Variants in SGCB observed in about 807,000 individuals in gnomAD.
The protein encoded by SGCB is sarcoglycan beta.
Under a neutral mutation model 27.3 loss-of-function variants are expected in SGCB, and 25 were observed. The ratio of observed to expected loss-of-function variants is 0.92; its 90% CI spans 0.67 to 1.28. The LOEUF is 1.28. Among genes scored for constraint, SGCB ranks in the 50% most tolerant of loss-of-function variants. SGCB has a pLI of 0.00. For missense variants in SGCB, 436 were observed against 402.1 expected (o/e 1.08, Z -0.72); for synonymous variants, 147 against 133.5 (o/e 1.10, Z -0.70).
At chr4:52,029,566 A>C in intron 3 of SGCB, 112 bp downstream of exon 3, 1 of 677,394 alleles carries the variant, frequency 1.5e-6, no homozygotes, top group South Asian at 1.7e-5. Flanking sequence ...AAATATACTA[A>C]TTTTTCTAAG....
Position 52,023,053 on chromosome 4 carries a change from AAAC to A in SGCB, c.*901_*903del, listed in dbSNP as rs1736998205. 6.6e-6 allele frequency: 1 copy of A among 152,206 alleles called. No individual in the cohort carries two copies. Among genetic ancestry groups the A allele is most frequent in the African/African-American group, 2.4e-5 (1 of 41,454 alleles). 9.4% of individuals were successfully genotyped at this position (152,206 alleles called of 1,614,324 possible). A position where few individuals can be genotyped will look rare whatever the true frequency, so the allele number is the denominator to read the frequency against. Reference sequence around the variant, plus strand: ...ATTAAAAAGTCAGTGCAGAGAGTGAAAACAACATGGCATTTGGAATCAAGTACA... The same window carrying A: ...ATTAAAAAGTCAGTGCAGAGAGTGAAAACATGGCATTTGGAATCAAGTACA... On this transcript the variant is annotated 3_prime_UTR_variant, in exon 6 of 6. Transcript: ENST00000381431.
rs753551637 is a variant in SGCB, at chr4:52,029,663, A to C, written c.429+15T>G. The C allele has an allele frequency of 1.3e-6, 2 of 1,582,912 alleles. No individual in the cohort carries two copies. Among genetic ancestry groups the C allele is most frequent in the South Asian group, 2.2e-5 (2 of 90,460 alleles). ...TCTCCTGTTTGCATTTCTTTCAGTTAATGTGGCAACTTACAGGCTGGTTGT... is the reference window on the plus strand; with the variant it reads ...TCTCCTGTTTGCATTTCTTTCAGTTCATGTGGCAACTTACAGGCTGGTTGT... On this transcript the variant is annotated intron_variant, in intron 3 of 5. Transcript: ENST00000381431.
rs143134417 is a variant in SGCB at position 52,029,283 on chromosome 4, A to T, written c.430-362T>A. 2.0e-5 allele frequency among the ~76,000 whole-genome samples: 3 copies of T among 152,342 alleles called. No individual in the cohort carries two copies. In the East Asian group the frequency reaches 5.8e-4, roughly 29 times the overall value. On this transcript the variant is annotated intron_variant, in intron 3 of 5. Transcript: ENST00000381431. ...ATGGGATGCCACTGACTAGATTGGC[A>T]TATTCTCTTCAAGAGCCCCCAAAAC...
At chr4:52,035,857 T>C (rs1317044648) in intron 1 of SGCB, among the ~76,000 whole-genome samples, 2 of 152,160 alleles carry the variant, frequency 1.3e-5, no homozygotes, top group Non-Finnish European at 2.9e-5. Flanking sequence ...TAGGTCCACA[T>C]AAAAGAGAGA....
chr4:52,024,278 T>A lies in SGCB; in HGVS notation c.754-118A>T. On this transcript the variant is annotated intron_variant, in intron 5 of 5. Transcript: ENST00000381431. ...AAGCAAGCAGTAAGAAAGAGTAAAGTCACAAACAAAACAACAACAGCAACA... is the reference window on the plus strand; with the variant it reads ...AAGCAAGCAGTAAGAAAGAGTAAAGACACAAACAAAACAACAACAGCAACA... 6.5e-6 allele frequency: 5 copies of A among 769,114 alleles called. No homozygotes were observed. In the South Asian group the frequency reaches 7.8e-5, roughly 12 times the overall value. 47.6% of individuals were successfully genotyped at this position (769,114 alleles called of 1,614,324 possible).
At chr4:52,026,834 T>C (rs1253341424) in intron 5 of SGCB, among the ~76,000 whole-genome samples, 7 of 152,234 alleles carry the variant, frequency 4.6e-5, no homozygotes, top group Admixed American at 6.5e-5. Context: ...AAGTTGCTAA[T>C]GGTCTCTAAA....
chr4:52,027,434 AT>A (rs1253291674), intron 5 of SGCB, among the ~76,000 whole-genome samples: 1 of 151,808 alleles, frequency 6.6e-6, no homozygotes, highest in African/African-American at 2.4e-5. Context: ...TTTAATAAAA[AT>A]ATCTAAATAA....
chr4:52,023,992 G>C lies in SGCB; in HGVS notation c.922C>G (p.Gln308Glu). The C allele has an allele frequency of 6.2e-7, 1 of 1,614,100 alleles. No homozygotes were observed. The highest frequency in any genetic ancestry group is 1.3e-5 in the African/African-American group (1 of 75,018). The change falls in exon 6 of 6, where the codon CAA becomes GAA. Residue 308 changes from glutamine to glutamate, a missense_variant. By Grantham distance (29) the Gln-to-Glu change is conservative. Transcript: ENST00000381431. ...TTTCCACAGGGGTTGTCTGAGATTT[G>C]GCAGCCCATGTTCTGGCTGGTTACT... ...VQVTSQNMGC[Q>E]ISDNPCGNTH
chr4:52,034,620 C>T (rs1737338507), intron 1 of SGCB, among the ~76,000 whole-genome samples: 1 of 151,838 alleles, frequency 6.6e-6, no homozygotes. Flanking sequence ...AGACCAATCC[C>T]CCATAGATAT....
Position 52,021,130 on chromosome 4 carries a change from G to GC in SGCB, c.*2826dup, listed in dbSNP as rs1479104322. On this transcript the variant is annotated 3_prime_UTR_variant, in exon 6 of 6. Coordinates refer to ENST00000381431, the MANE Select transcript of SGCB (RefSeq NM_000232.5). ...AAGAAATCTTGCATTGATTTCATTT[G>GC]CCCCCCTTGTCATTGCAACCCGTCT... 4.6e-5 allele frequency: 7 copies of GC among 151,854 alleles called. No individual in the cohort carries two copies. The highest frequency in any genetic ancestry group is 5.9e-5 in the Non-Finnish European group (4 of 67,980). 9.4% of individuals were successfully genotyped at this position (151,854 alleles called of 1,614,324 possible).
Position 52,028,937 on chromosome 4 carries a change from T to A in SGCB, c.430-16A>T. On this transcript the variant is annotated splice_polypyrimidine_tract_variant and intron_variant, in intron 3 of 5. Coordinates refer to ENST00000381431, the MANE Select transcript of SGCB (RefSeq NM_000232.5). ...GAAAAACAATCTTCAAAAAAAACAG[T>A]TTATTGTGAATATATTTTCAAAGAA... The A allele has an allele frequency of 6.3e-7, 1 of 1,594,664 alleles. No homozygotes were observed. Among genetic ancestry groups the A allele is most frequent in the South Asian group, 1.1e-5 (1 of 90,592 alleles).
At chr4:52,037,960 C>T (rs1486091922) in intron 1 of SGCB, among the ~76,000 whole-genome samples, 2 of 152,132 alleles carry the variant, frequency 1.3e-5, no homozygotes, top group East Asian at 3.9e-4. Context: ...CCAGGCTCTC[C>T]GGAAGGAGAC....
chr4:52,036,301 T>C (rs1194510614), intron 1 of SGCB, among the ~76,000 whole-genome samples: 2 of 152,184 alleles, frequency 1.3e-5, no homozygotes, highest in Admixed American at 1.3e-4. Flanking sequence ...GGCAACCATC[T>C]CTGGGAGAAC....
rs1736979913 is a variant in SGCB, at chr4:52,022,520, G to T, written c.*1437C>A. On this transcript the variant is annotated 3_prime_UTR_variant, in exon 6 of 6. Coordinates refer to ENST00000381431, the MANE Select transcript of SGCB (RefSeq NM_000232.5). Reference sequence around the variant, plus strand: ...ATATTAAAAATCAACTGGCTTGAGGGTTATAAATAATTACAATGGGATAGT... The same window carrying T: ...ATATTAAAAATCAACTGGCTTGAGGTTTATAAATAATTACAATGGGATAGT... The T allele has an allele frequency of 1.3e-5, 2 of 152,170 alleles. No individual in the cohort carries two copies. Among genetic ancestry groups the T allele is most frequent in the South Asian group, 4.1e-4 (2 of 4,824 alleles). The allele number at this position is 152,170 out of a possible 1,614,324, so 9.4% of individuals were successfully genotyped here.
chr4:52,031,394 G>GTGTGTGTGTA (rs1236456715), intron 2 of SGCB, among the ~76,000 whole-genome samples: 18 of 45,472 alleles, frequency 4.0e-4, no homozygotes, highest in African/African-American at 7.7e-4. Flanking sequence ...ATTCATCTCT[G>GTGTGTGTGTA]TGTGTGTGTG....
intron 2 of SGCB, among the ~76,000 whole-genome samples, chr4:52,032,268 T>A (rs1737268386): frequency 1.3e-5 from 2 of 152,114 alleles, no homozygotes; most frequent in Admixed American, 1.3e-4. Context: ...AACTTCTAAT[T>A]CCCAAGGCTT....
In SGCB at chr4:52,035,166, C is replaced by T. The variant is rs1172007505; in HGVS notation, c.34-1526G>A. On this transcript the variant is annotated intron_variant, in intron 1 of 5. Coordinates refer to ENST00000381431, the MANE Select transcript of SGCB (RefSeq NM_000232.5). ...ATACTGTCCTACTTATTTCTTAAAG[C>T]TCTGAGAAAATTCAGTTGTTGAATA... Among the ~76,000 whole-genome samples the T allele has an allele frequency of 2.0e-5, 3 of 152,158 alleles. No homozygotes were observed. The South Asian group carries it at 6.2e-4, about 31-fold the overall frequency.
chr4:52,035,999 A>C (rs1186019619), intron 1 of SGCB, among the ~76,000 whole-genome samples: 1 of 152,250 alleles, frequency 6.6e-6, no homozygotes, highest in Non-Finnish European at 1.5e-5. Context: ...CCAAGCTACC[A>C]GGATGAACAT....
rs113313283 is a variant in SGCB, at chr4:52,024,010, T to C, written c.904A>G (p.Ser302Gly). 2.4e-5 allele frequency: 38 copies of C among 1,614,108 alleles called. No homozygotes were observed. The highest frequency in any genetic ancestry group is 3.1e-5 in the Non-Finnish European group (36 of 1,180,040). Residue 302 changes from serine to glycine, a missense_variant, in exon 6 of 6, where the codon AGC (serine) becomes GGC (glycine). Coordinates refer to ENST00000381431, the MANE Select transcript of SGCB (RefSeq NM_000232.5). ...GAGATTTGGCAGCCCATGTTCTGGC[T>C]GGTTACTTGCACCTTGAAGAGCGTC... ...DGTLFKVQVTSQNMGCQISDN... is the reference protein window; with the variant it reads ...DGTLFKVQVTGQNMGCQISDN...
Sources: gnomAD v4.1 joint callset for allele counts (sites outside exome capture counted in the v4.1 genomes callset) on GRCh38, gnomAD v4.1.1 for gene constraint, MANE v1.5 for transcripts, NCBI Gene and HGNC (gene_info 2026-07-23, HGNC 2026-07-21) for gene names.